Variants in RYR2 observed in about 807,000 individuals in gnomAD.
The protein encoded by RYR2 is ryanodine receptor 2, also known as cardiac muscle ryanodine receptor-calcium release channel.
A neutral mutation model predicts 601.1 loss-of-function variants in RYR2; 227 were observed. The observed-to-expected ratio is 0.38, with a 90% CI of 0.34 to 0.42. The LOEUF (loss-of-function observed/expected upper bound fraction) is 0.42, where lower values mean the gene tolerates loss of function less well. Among genes scored for constraint, RYR2 ranks in the 10% least tolerant of loss-of-function variants. The probability of loss-of-function intolerance (pLI) is 1.00; values close to 1 mark genes in which losing one functional copy is unlikely to be tolerated. For missense variants in RYR2, 4,646 were observed against 6,156.5 expected (o/e 0.75, Z 8.21); for synonymous variants, 2,223 against 2,175.1 (o/e 1.02, Z -0.61).
intron 10 of RYR2, among the ~76,000 whole-genome samples, chr1:237,391,226 G>A (rs1290581600): frequency 3.3e-5 from 5 of 152,180 alleles, no homozygotes; most frequent in East Asian, 3.9e-4. Context: ...AGCTCACCCC[G>A]GAAGCAGCCT....
intron 1 of RYR2, among the ~76,000 whole-genome samples, chr1:237,236,926 C>T (rs542037837): frequency 2.2e-4 from 33 of 152,190 alleles, no homozygotes; most frequent in Admixed American, 1.6e-3. Flanking sequence ...TGTGTCCCCA[C>T]CCAAATTTTA....
chr1:237,717,417 T>G, intron 72 of RYR2, 49 bp downstream of exon 72: 1 of 1,435,586 alleles, frequency 7.0e-7, no homozygotes, highest in Non-Finnish European at 9.4e-7. Flanking sequence ...ACCTCCAGAC[T>G]CTCAGTGTTT....
At chr1:237,067,191 CT>C (rs71178384) in intron 1 of RYR2, among the ~76,000 whole-genome samples, 117,385 of 151,810 alleles carry the variant, frequency 0.77, 45,949 homozygotes, top group East Asian at 0.99. Flanking sequence ...ATGGATTGTG[CT>C]TTTTTTTGCC....
At chr1:237,516,484 G>A (rs1248174073) in intron 24 of RYR2, among the ~76,000 whole-genome samples, 1 of 152,108 alleles carries the variant, frequency 6.6e-6, no homozygotes, top group Non-Finnish European at 1.5e-5. Context: ...TTCTCAGTGT[G>A]CAAGCTCTCT....
At chr1:237,658,915 A>G (rs977987351) in intron 54 of RYR2, among the ~76,000 whole-genome samples, 5 of 152,332 alleles carry the variant, frequency 3.3e-5, no homozygotes, top group Middle Eastern at 3.4e-3. Flanking sequence ...TCTATGAGAT[A>G]ATTTCTACAT....
intron 10 of RYR2, among the ~76,000 whole-genome samples, chr1:237,403,427 C>CT (rs1294408944): frequency 6.6e-6 from 1 of 152,084 alleles, no homozygotes; most frequent in Non-Finnish European, 1.5e-5. Flanking sequence ...CACAGTGATA[C>CT]TTTATTTAAT....
At chr1:237,448,116 G>T (rs993353734) in intron 14 of RYR2, among the ~76,000 whole-genome samples, 1 of 151,854 alleles carries the variant, frequency 6.6e-6, no homozygotes, top group Non-Finnish European at 1.5e-5. Context: ...TAGTAGAGAC[G>T]TGGTTTCACC....
chr1:237,650,887 A>G (rs1218845544), intron 50 of RYR2, among the ~76,000 whole-genome samples: 2 of 152,242 alleles, frequency 1.3e-5, no homozygotes, highest in African/African-American at 4.8e-5. Flanking sequence ...CAAAATGCCT[A>G]TCTCACAGAT....
At chr1:237,213,167 A>G (rs1682778297) in intron 1 of RYR2, among the ~76,000 whole-genome samples, 1 of 151,588 alleles carries the variant, frequency 6.6e-6, no homozygotes. Flanking sequence ...AGTTTGGCTT[A>G]TTTTTTAGGT....
intron 94 of RYR2, among the ~76,000 whole-genome samples, chr1:237,792,759 C>G (rs1043192107): frequency 6.6e-6 from 1 of 152,206 alleles, no homozygotes; most frequent in African/African-American, 2.4e-5. Flanking sequence ...TCGCCTATAA[C>G]TTGGCCCTAC....
intron 2 of RYR2, 84 bp downstream of exon 2, chr1:237,270,700 C>T (rs1351250570): frequency 7.2e-7 from 1 of 1,398,522 alleles, no homozygotes; most frequent in Non-Finnish European, 9.9e-7. Context: ...CTACTATTTT[C>T]TGTGGAATAC....
intron 1 of RYR2, among the ~76,000 whole-genome samples, chr1:237,133,886 T>G (rs1340226311): frequency 3.0e-5 from 4 of 134,768 alleles, no homozygotes; most frequent in Non-Finnish European, 6.1e-5. Context: ...GATCACGTCA[T>G]TGCACTCCAG....
intron 96 of RYR2, among the ~76,000 whole-genome samples, chr1:237,796,788 T>A (rs1659287013): frequency 6.6e-6 from 1 of 152,014 alleles, no homozygotes; most frequent in Non-Finnish European, 1.5e-5. Flanking sequence ...CCCTCCATTT[T>A]CTTTTTTTGT....
intron 1 of RYR2, among the ~76,000 whole-genome samples, chr1:237,129,013 A>G (rs1197873673): frequency 1.3e-5 from 2 of 152,136 alleles, no homozygotes; most frequent in Non-Finnish European, 2.9e-5. Flanking sequence ...TGGGAAGAGG[A>G]AAAGTTTATA....
At chr1:237,164,813 T>C (rs956003475) in intron 1 of RYR2, among the ~76,000 whole-genome samples, 13 of 152,220 alleles carry the variant, frequency 8.5e-5, no homozygotes, top group African/African-American at 2.7e-4. Context: ...TTTTCAGTTT[T>C]GTTTTTCTCC....
chr1:237,721,396 C>T (rs1180513623), intron 73 of RYR2, among the ~76,000 whole-genome samples: 1 of 152,198 alleles, frequency 6.6e-6, no homozygotes, highest in Non-Finnish European at 1.5e-5. Flanking sequence ...TAACTAGGCA[C>T]TCTCAGTCTG....
At chr1:237,489,177 G>A (rs1219104615) in intron 17 of RYR2, among the ~76,000 whole-genome samples, 1 of 152,014 alleles carries the variant, frequency 6.6e-6, no homozygotes, top group Non-Finnish European at 1.5e-5. Context: ...ATAACCCAAC[G>A]AGCAAAAGCC....
chr1:237,698,979 T>C lies in RYR2; in HGVS notation c.9082T>C (p.Ser3028Pro). 1 of 1,553,822 alleles carries C rather than the reference T, an allele frequency of 6.4e-7. No homozygotes were observed. Among genetic ancestry groups the C allele is most frequent in the East Asian group, 2.3e-5 (1 of 42,646 alleles). Residue 3028 changes from serine to proline, a missense_variant, in exon 64 of 105, where the codon TCA (serine) becomes CCA (proline). Ser to Pro is a moderately conservative substitution (Grantham distance 74, BLOSUM62 -1). Coordinates refer to ENST00000366574, the MANE Select transcript of RYR2 (RefSeq NM_001035.3). ...TTCCTCTTTAGGCAATGATGCAACA[T>C]CAATTGTCAACTGTCTTCATATTTT... ...RISLFGNDAT[S>P]IVNCLHILGQ...
chr1:237,760,756 T>C (rs1444149643), intron 83 of RYR2, among the ~76,000 whole-genome samples, 199 bp from the exon 84 acceptor site: 1 of 152,156 alleles, frequency 6.6e-6, no homozygotes, highest in African/African-American at 2.4e-5. Context: ...ACATGGATCA[T>C]TTCAGTGTAG....
Sources: allele counts gnomAD v4.1 joint callset (sites outside exome capture counted in the v4.1 genomes callset), GRCh38; gene constraint gnomAD v4.1.1; transcripts MANE v1.5; gene names NCBI Gene and HGNC (gene_info 2026-07-23, HGNC 2026-07-21).